Variants in COL4A3 observed in about 807,000 individuals in gnomAD.
COL4A3 encodes collagen alpha-3(IV) chain.
COL4A3 carries 135 observed loss-of-function variants against 217.4 expected under a neutral mutation model. The ratio of observed to expected loss-of-function variants is 0.62; its 90% CI spans 0.54 to 0.72. COL4A3 has a LOEUF of 0.72. Among genes scored for constraint, COL4A3 ranks in the 30% least tolerant of loss-of-function variants. COL4A3 has a pLI of 0.00. For synonymous variants in COL4A3, 690 were observed against 736.3 expected (o/e 0.94, Z 1.02); for missense variants, 1,868 against 2,119.9 (o/e 0.88, Z 2.33).
rs764475157 is a variant in COL4A3 at position 227,237,186 on chromosome 2, T to C, written c.88-782T>C. On this transcript the variant is annotated intron_variant, in intron 1 of 51. Transcript: ENST00000396578. ...TTTTATAAGAAAGAACATTCTGTTG[T>C]TCAAAATATTTGAGAATAAAAAAAG... 1.6e-4 allele frequency among the ~76,000 whole-genome samples: 25 copies of C among 152,290 alleles called. No individual in the cohort carries two copies. In the South Asian group the frequency reaches 1.7e-3, roughly 10 times the overall value.
At chr2:227,224,173 G>T (rs2067964446) in intron 1 of COL4A3, among the ~76,000 whole-genome samples, 1 of 152,176 alleles carries the variant, frequency 6.6e-6, no homozygotes, top group Non-Finnish European at 1.5e-5. Flanking sequence ...ATGACTATGA[G>T]ACAGATGAAC....
intron 1 of COL4A3, among the ~76,000 whole-genome samples, chr2:227,175,534 T>C (rs551080085): frequency 2.0e-5 from 3 of 152,144 alleles, no homozygotes; most frequent in African/African-American, 7.2e-5. Flanking sequence ...AACATGAAAT[T>C]TTAAAAGCTG....
chr2:227,280,773 A>G (rs1162701409), intron 30 of COL4A3, 120 bp from the exon 31 acceptor site: 1 of 995,120 alleles, frequency 1.0e-6, no homozygotes, highest in Non-Finnish European at 1.6e-6. Context: ...AGGCATATTA[A>G]TGGCAGTAAA....
intron 1 of COL4A3, among the ~76,000 whole-genome samples, chr2:227,178,390 AAAAAG>A (rs1002426086): frequency 2.0e-5 from 3 of 152,184 alleles, no homozygotes; most frequent in African/African-American, 7.2e-5. Context: ...TCAAAAAAAG[AAAAAG>A]AAAAGAAAAA....
intron 16 of COL4A3, 100 bp from the exon 17 acceptor site, chr2:227,256,243 C>A: frequency 8.4e-7 from 1 of 1,190,232 alleles, no homozygotes; most frequent in Non-Finnish European, 1.3e-6. Flanking sequence ...ATCATCTGAG[C>A]ACATTCTTTT....
chr2:227,210,157 G>A (rs147666064), intron 1 of COL4A3, among the ~76,000 whole-genome samples: 24 of 152,312 alleles, frequency 1.6e-4, no homozygotes, highest in African/African-American at 5.1e-4. Context: ...CTTAACTGAT[G>A]TTAAATATTG....
At chr2:227,212,439 A>G (rs1262096573) in intron 1 of COL4A3, among the ~76,000 whole-genome samples, 1 of 152,112 alleles carries the variant, frequency 6.6e-6, no homozygotes, top group African/African-American at 2.4e-5. Flanking sequence ...TTCATTTGGC[A>G]TTGAACTTTT....
chr2:227,246,648 C>T (rs765065879), intron 6 of COL4A3, 37 bp from the exon 7 acceptor site: 1 of 1,544,532 alleles, frequency 6.5e-7, no homozygotes, highest in Non-Finnish European at 8.9e-7. Context: ...TCTTCTAGAA[C>T]AACTAAGAAT....
chr2:227,295,347 A>G, intron 41 of COL4A3, 31 bp downstream of exon 41: 5 of 1,604,850 alleles, frequency 3.1e-6, no homozygotes, highest in Non-Finnish European at 4.3e-6. Flanking sequence ...GTCCTAATGT[A>G]CACATTTTCA....
intron 1 of COL4A3, among the ~76,000 whole-genome samples, chr2:227,235,902 T>C (rs2068668525): frequency 6.6e-6 from 1 of 151,076 alleles, no homozygotes; most frequent in Non-Finnish European, 1.5e-5. Flanking sequence ...GCTTCCCGAG[T>C]AGCTGAGATT....
intron 1 of COL4A3, among the ~76,000 whole-genome samples, chr2:227,193,403 C>A (rs1449873730): frequency 6.6e-6 from 1 of 152,148 alleles, no homozygotes; most frequent in East Asian, 1.9e-4. Flanking sequence ...AATAAATATT[C>A]ATGATGCAAA....
At chr2:227,306,976 G>T (rs1212355993) in intron 47 of COL4A3, among the ~76,000 whole-genome samples, 1 of 152,062 alleles carries the variant, frequency 6.6e-6, no homozygotes, top group African/African-American at 2.4e-5. Flanking sequence ...AAAGGAGAAG[G>T]AAGTTAAAGA....
intron 51 of COL4A3, 72 bp downstream of exon 51, chr2:227,311,020 G>T: frequency 6.5e-7 from 1 of 1,547,698 alleles, no homozygotes; most frequent in Non-Finnish European, 8.9e-7. Context: ...TGTGTTCTTG[G>T]GTCAACGAGT....
intron 1 of COL4A3, among the ~76,000 whole-genome samples, chr2:227,173,077 C>G (rs117525002): frequency 0.01 from 1,598 of 152,212 alleles, 56 homozygotes; most frequent in East Asian, 0.073. Flanking sequence ...AGATGTATTA[C>G]AAACATAAAG....
intron 18 of COL4A3, among the ~76,000 whole-genome samples, chr2:227,258,700 C>T (rs2070353716): frequency 6.6e-6 from 1 of 152,180 alleles, no homozygotes; most frequent in Non-Finnish European, 1.5e-5. Context: ...ACAGACCCTA[C>T]CTCTTACTTC....
chr2:227,278,386 T>C (rs1190664841), intron 28 of COL4A3, among the ~76,000 whole-genome samples: 3 of 152,200 alleles, frequency 2.0e-5, no homozygotes, highest in Non-Finnish European at 4.4e-5. Flanking sequence ...CTGCAAGTTT[T>C]ATGACAATTT....
rs2073763729 is a variant in COL4A3, at chr2:227,312,100, T to C, written c.*230T>C. 3 of 629,134 alleles carry C rather than the reference T, an allele frequency of 4.8e-6. No individual in the cohort carries two copies. The highest frequency in any genetic ancestry group is 6.4e-5 in the Admixed American group (2 of 31,426). The allele number at this position is 629,134 out of a possible 1,614,324, so 39.0% of individuals were successfully genotyped here. ...AAGTTCTCTGTGGCAAAGCAGCAAC[T>C]ATTCACAAAATATCACCAAAAACCT... On this transcript the variant is annotated 3_prime_UTR_variant, in exon 52 of 52. Coordinates refer to ENST00000396578, the MANE Select transcript of COL4A3 (RefSeq NM_000091.5).
intron 1 of COL4A3, among the ~76,000 whole-genome samples, chr2:227,223,765 T>C (rs1284387781): frequency 7.0e-6 from 1 of 141,922 alleles, no homozygotes; most frequent in Non-Finnish European, 1.6e-5. Flanking sequence ...AATAAGCAAA[T>C]TCTGGTATCA....
Position 227,303,052 on chromosome 2 carries a change from T to G in COL4A3, c.3897T>G (p.Thr1299=). Residue 1299 remains threonine (T), a synonymous_variant, in exon 44 of 52, where the codon ACT becomes ACG. Transcript: ENST00000396578. ...TTGAAATATAGGGAGCACCAGGTAC[T>G]CCAGGTCTTCCAGGACCCAGAGGTG... ...GPPGRLGAPG[T]PGLPGPRGDP... 1 of 1,613,570 alleles carries G rather than the reference T, an allele frequency of 6.2e-7. No individual in the cohort carries two copies. The highest frequency in any genetic ancestry group is 8.5e-7 in the Non-Finnish European group (1 of 1,179,494).
Sources: gnomAD v4.1 joint callset for allele counts (sites outside exome capture counted in the v4.1 genomes callset) on GRCh38, gnomAD v4.1.1 for gene constraint, MANE v1.5 for transcripts, NCBI Gene and HGNC (gene_info 2026-07-23, HGNC 2026-07-21) for gene names.